CNTRL: variants seen among roughly 807,000 people sequenced by gnomAD.
CNTRL encodes 110 kDa centrosomal protein.
A neutral mutation model predicts 303.7 loss-of-function variants in CNTRL; 233 were observed. That is an observed-to-expected ratio of 0.77 (90% CI 0.69 to 0.86). CNTRL has a LOEUF of 0.86. Ranked by LOEUF, CNTRL falls within the 40% of genes least tolerant of loss-of-function variation. CNTRL has a pLI of 0.00. For synonymous variants in CNTRL, 900 were observed against 922.2 expected (o/e 0.98, Z 0.44); for missense variants, 2,524 against 2,650.6 (o/e 0.95, Z 1.05).
intron 12 of CNTRL, chr9:121,121,640 G>A (rs953531094): frequency 3.9e-5 from 7 of 181,294 alleles, no homozygotes; most frequent in African/African-American, 1.7e-4. Flanking sequence ...GAGGGAACGA[G>A]CTGTAGTGAT....
At position 121,108,083 on chromosome 9, in the gene CNTRL, C is replaced by A. The variant is rs555758038; in HGVS notation, c.1002+88C>A. 153 of 798,460 alleles carry A rather than the reference C, an allele frequency of 1.9e-4. No homozygotes were observed. In the African/African-American group the frequency reaches 2.4e-3, roughly 12 times the overall value. 49.5% of individuals were successfully genotyped at this position (798,460 alleles called of 1,614,324 possible). On this transcript the variant is annotated intron_variant, in intron 8 of 43. Transcript: ENST00000373855. ...GGGTCTAAAAATACAACTTCCTGAC[C>A]ATATAATGGGGAAGATGTGGTTTAA...
intron 7 of CNTRL, among the ~76,000 whole-genome samples, chr9:121,101,224 C>T (rs1241483946): frequency 6.6e-6 from 1 of 152,146 alleles, no homozygotes; most frequent in East Asian, 1.9e-4. Flanking sequence ...TGCAATCAAA[C>T]TAGAACTCAG....
intron 27 of CNTRL, among the ~76,000 whole-genome samples, chr9:121,156,379 G>A (rs998854620): frequency 1.1e-4 from 16 of 152,226 alleles, no homozygotes; most frequent in African/African-American, 3.4e-4. Flanking sequence ...TTTGGAAGGA[G>A]TGTGCCAGAC....
At chr9:121,152,752 G>A (rs947947522) in intron 26 of CNTRL, 59 bp downstream of exon 26, 12 of 1,261,362 alleles carry the variant, frequency 9.5e-6, no homozygotes, top group South Asian at 4.1e-5. Context: ...TAATGCTGTC[G>A]AACAGAACTT....
In CNTRL at chr9:121,142,271, G is replaced by A. The variant is rs2051560384; in HGVS notation, c.2871+1G>A. 1 of 1,593,072 alleles carries A rather than the reference G, an allele frequency of 6.3e-7. No homozygotes were observed. Among genetic ancestry groups the A allele is most frequent in the Admixed American group, 1.9e-5 (1 of 53,916 alleles). ...CCAACTCCGAGAGTTAGAGAAAAAGGTAGGGGAGACTTAGAAAATGAGACA... is the reference window on the plus strand; with the variant it reads ...CCAACTCCGAGAGTTAGAGAAAAAGATAGGGGAGACTTAGAAAATGAGACA... On this transcript the variant is annotated splice_donor_variant, in intron 19 of 43. Transcript: ENST00000373855. LOFTEE classifies it high-confidence loss of function.
In CNTRL at chr9:121,150,281, C is replaced by T. The variant is rs1443243008; in HGVS notation, c.3761C>T (p.Ser1254Phe). 1.9e-6 allele frequency: 3 copies of T among 1,614,032 alleles called. No homozygotes were observed. The East Asian group carries it at 6.7e-5, about 36-fold the overall frequency. ...ATGTATACTGTGCTTCCTGATGGTT[C>T]TCCTGTACCCCAGGGCATGGCCCTG... ...YMMYTVLPDGSPVPQGMALYA... is the reference protein window; with the variant it reads ...YMMYTVLPDGFPVPQGMALYA... Residue 1254 changes from serine (S) to phenylalanine (F), a missense_variant, in exon 25 of 44, where the codon TCT becomes TTT. Coordinates refer to ENST00000373855, the MANE Select transcript of CNTRL (RefSeq NM_007018.6).
chr9:121,134,381 C>T (rs1588208777), intron 14 of CNTRL, among the ~76,000 whole-genome samples: 1 of 152,032 alleles, frequency 6.6e-6, no homozygotes, highest in East Asian at 1.9e-4. Flanking sequence ...ACCTCCGCCT[C>T]CCAGGTTCAA....
chr9:121,156,110 AT>A (rs1324852118), intron 27 of CNTRL, among the ~76,000 whole-genome samples: 1 of 151,870 alleles, frequency 6.6e-6, no homozygotes, highest in East Asian at 1.9e-4. Context: ...CACTGGTATA[AT>A]AATATATAAT....
chr9:121,163,966 G>A (rs1274182202), intron 34 of CNTRL, among the ~76,000 whole-genome samples: 1 of 151,026 alleles, frequency 6.6e-6, no homozygotes, highest in Non-Finnish European at 1.5e-5. Flanking sequence ...CCGGGTTCAC[G>A]GCATTCTCCT....
At chr9:121,139,292 A>G (rs2051370549) in intron 16 of CNTRL, among the ~76,000 whole-genome samples, 1 of 152,194 alleles carries the variant, frequency 6.6e-6, no homozygotes, top group Non-Finnish European at 1.5e-5. Flanking sequence ...GTCTGAACAA[A>G]CAAGTACCTG....
chr9:121,079,681 G>A (rs2048064027), intron 1 of CNTRL, among the ~76,000 whole-genome samples: 1 of 152,058 alleles, frequency 6.6e-6, no homozygotes, highest in South Asian at 2.1e-4. Context: ...AACCTGTAGT[G>A]AATGAGGCTA....
rs780115928 is a variant in CNTRL, at chr9:121,169,794, G to A, written c.6254G>A (p.Ser2085Asn). 6.8e-6 allele frequency: 11 copies of A among 1,613,990 alleles called. No homozygotes were observed. The South Asian group carries it at 1.2e-4, about 18-fold the overall frequency. Residue 2085 changes from serine (S) to asparagine (N), a missense_variant, in exon 39 of 44, where the codon AGC becomes AAC. Ser to Asn is a conservative substitution (Grantham distance 46, BLOSUM62 1). Transcript: ENST00000373855. Reference protein sequence around the residue: ...SLKEALKIQRSQLEKNLLEQK... With the variant: ...SLKEALKIQRNQLEKNLLEQK... ...AAGGAAGCACTTAAGATCCAGCGGA[G>A]CCAGCTGGAGAAAAACCTTCTTGTG...
chr9:121,128,652 C>A (rs1257625042), intron 14 of CNTRL, among the ~76,000 whole-genome samples: 1 of 152,138 alleles, frequency 6.6e-6, no homozygotes, highest in African/African-American at 2.4e-5. Context: ...TTAATTAGAT[C>A]CCATTTGTCT....
At chr9:121,095,060 C>T (rs2048831611) in intron 5 of CNTRL, 42 bp downstream of exon 5, 1 of 1,493,922 alleles carries the variant, frequency 6.7e-7, no homozygotes, top group African/African-American at 1.4e-5. Flanking sequence ...TTGCAGATAG[C>T]TTTGTTAGAG....
At chr9:121,104,760 G>A (rs182246022) in intron 7 of CNTRL, among the ~76,000 whole-genome samples, 4 of 136,406 alleles carry the variant, frequency 2.9e-5, no homozygotes, top group African/African-American at 5.4e-5. Flanking sequence ...GGAGTGCAAT[G>A]GTGCGATCTC....
In CNTRL at chr9:121,096,498, G is replaced by A; in HGVS notation, c.556G>A (p.Val186Ile). The change falls in exon 6 of 44, where the codon GTA (valine) becomes ATA (isoleucine). Residue 186 changes from valine to isoleucine, a missense_variant. Val to Ile is a conservative substitution (Grantham distance 29, BLOSUM62 3). Transcript: ENST00000373855. ...LAGNEIEHIP[V>I]WLGKKLKSLR... ...AGGAAATGAAATTGAGCATATTCCA[G>A]TATGGTTAGGGAAGAAGTTAAAATC... is the stretch of plus-strand genomic sequence containing the variant. 1 of 1,569,096 alleles carries A rather than the reference G, an allele frequency of 6.4e-7. No individual in the cohort carries two copies. The highest frequency in any genetic ancestry group is 8.7e-7 in the Non-Finnish European group (1 of 1,152,788).
chr9:121,163,258 T>C (rs2052935630), intron 34 of CNTRL, among the ~76,000 whole-genome samples: 1 of 150,208 alleles, frequency 6.7e-6, no homozygotes, highest in Non-Finnish European at 1.5e-5. Flanking sequence ...AGATTGAGGC[T>C]GCAGTGAGCC....
intron 15 of CNTRL, among the ~76,000 whole-genome samples, chr9:121,136,219 TG>T (rs1383170004): frequency 6.6e-6 from 1 of 152,048 alleles, no homozygotes. Context: ...CTGTGTAAAA[TG>T]GCTTATGGGG....
At chr9:121,108,602 C>T (rs2049592995) in intron 8 of CNTRL, among the ~76,000 whole-genome samples, 1 of 151,650 alleles carries the variant, frequency 6.6e-6, no homozygotes, top group African/African-American at 2.4e-5. Flanking sequence ...CTGTGCTCTT[C>T]TCTATGTCAT....
Sources: gnomAD v4.1 joint callset for allele counts (sites outside exome capture counted in the v4.1 genomes callset) on GRCh38, gnomAD v4.1.1 for gene constraint, MANE v1.5 for transcripts, NCBI Gene and HGNC (gene_info 2026-07-23, HGNC 2026-07-21) for gene names.